Variants in RNF214 observed in about 807,000 individuals in gnomAD.
RNF214 encodes ring finger protein 214.
In RNF214, 25 loss-of-function variants were observed where a neutral mutation model predicts 75.9. The ratio of observed to expected loss-of-function variants is 0.33; its 90% CI spans 0.24 to 0.46. The LOEUF is 0.46. RNF214 is among the 20% of genes least tolerant of loss of function. The probability of loss-of-function intolerance (pLI) is 1.00; values close to 1 mark genes in which losing one functional copy is unlikely to be tolerated. For synonymous variants in RNF214, 314 were observed against 308.8 expected (o/e 1.02, Z -0.18); for missense variants, 725 against 857.5 (o/e 0.85, Z 1.93).
chr11:117,253,763 C>T (rs561400859), intron 6 of RNF214, among the ~76,000 whole-genome samples: 1 of 152,116 alleles, frequency 6.6e-6, no homozygotes, highest in Admixed American at 6.5e-5. Flanking sequence ...CTCGTGGTGA[C>T]CCTGTGTTTT....
At chr11:117,267,755 G>A (rs991408373) in intron 6 of RNF214, among the ~76,000 whole-genome samples, 3 of 151,494 alleles carry the variant, frequency 2.0e-5, no homozygotes. Flanking sequence ...TATTTTTTTG[G>A]TTATAAATAT....
intron 6 of RNF214, among the ~76,000 whole-genome samples, chr11:117,276,847 A>G (rs1196365188): frequency 6.6e-6 from 1 of 152,270 alleles, no homozygotes; most frequent in Non-Finnish European, 1.5e-5. Flanking sequence ...GGATAACATC[A>G]GTCACAGAAG....
chr11:117,259,710 T>A (rs1329355686), intron 6 of RNF214, among the ~76,000 whole-genome samples: 1 of 152,184 alleles, frequency 6.6e-6, no homozygotes, highest in African/African-American at 2.4e-5. Flanking sequence ...TATTGGCCGT[T>A]TGTATATTTT....
At chr11:117,248,659 G>C (rs1483116334) in intron 6 of RNF214, among the ~76,000 whole-genome samples, 2 of 152,174 alleles carry the variant, frequency 1.3e-5, no homozygotes, top group African/African-American at 2.4e-5. Context: ...TGATTAGAAG[G>C]TGGGTCAGTT....
intron 6 of RNF214, among the ~76,000 whole-genome samples, chr11:117,255,382 T>G (rs1396948603): frequency 6.6e-6 from 1 of 152,248 alleles, no homozygotes; most frequent in East Asian, 1.9e-4. Flanking sequence ...GTAAGCTGAA[T>G]ACTGGGGCCA....
intron 6 of RNF214, among the ~76,000 whole-genome samples, chr11:117,257,977 TTAACAC>T (rs1299767368): frequency 3.9e-5 from 6 of 152,226 alleles, no homozygotes; most frequent in Non-Finnish European, 8.8e-5. Context: ...GTATTGTACA[TTAACAC>T]TGACCACCTG....
intron 2 of RNF214, among the ~76,000 whole-genome samples, chr11:117,237,471 G>A (rs564228880): frequency 1.7e-4 from 26 of 152,312 alleles, no homozygotes; most frequent in African/African-American, 6.0e-4. Context: ...GTTGGGTATG[G>A]TTAAGAGTGT....
At chr11:117,249,788 C>T (rs181466271) in intron 6 of RNF214, among the ~76,000 whole-genome samples, 2 of 152,304 alleles carry the variant, frequency 1.3e-5, no homozygotes, top group Admixed American at 6.5e-5. Context: ...GTGTCTCTTC[C>T]TCTTATAAGG....
intron 6 of RNF214, among the ~76,000 whole-genome samples, chr11:117,260,202 C>T (rs904638390): frequency 6.6e-6 from 1 of 152,030 alleles, no homozygotes; most frequent in African/African-American, 2.4e-5. Context: ...AGTCATAGCT[C>T]ACTGTAGCCT....
chr11:117,254,551 C>T (rs1457882855), intron 6 of RNF214, among the ~76,000 whole-genome samples: 2 of 152,094 alleles, frequency 1.3e-5, no homozygotes, highest in African/African-American at 2.4e-5. Flanking sequence ...TCTCTTGGTG[C>T]CTTGTTCTTT....
At chr11:117,283,287 A>T in intron 14 of RNF214, 77 bp downstream of exon 14, 14 of 972,204 alleles carry the variant, frequency 1.4e-5, no homozygotes, top group East Asian at 5.1e-5. Context: ...CTCATTTTCT[A>T]CTCTTTTTTT....
chr11:117,274,675 CT>C (rs397937528), intron 6 of RNF214, among the ~76,000 whole-genome samples: 77 of 128,762 alleles, frequency 6.0e-4, no homozygotes, highest in Non-Finnish European at 6.1e-4. Context: ...AGCCATGGCT[CT>C]TTTTTTTTTT....
Position 117,280,259 on chromosome 11 carries a change from A to G in RNF214, c.1145A>G (p.Lys382Arg). The part of the protein sequence containing the change: ...KEAELHLTYL[K>R]STPPTLETVR... ...GCAGAATTGCACCTTACTTACCTCA[A>G]GTAAGTACCTTTCCGTTCTAGAGCT... Residue 382 changes from lysine (K) to arginine (R), a missense_variant and splice_region_variant, in exon 8 of 15, where the codon AAG becomes AGG. By Grantham distance (26) the Lys-to-Arg change is conservative (BLOSUM62 2). Around this residue, in one of 2 missense-constraint regions of RNF214, gnomAD observed 363 missense variants for 513.0 expected, o/e 0.71. Transcript: ENST00000300650. 1.9e-6 allele frequency: 3 copies of G among 1,568,570 alleles called. No individual in the cohort carries two copies. Among genetic ancestry groups the G allele is most frequent in the South Asian group, 1.1e-5 (1 of 89,856 alleles).
intron 8 of RNF214, among the ~76,000 whole-genome samples, chr11:117,281,048 C>T (rs964305811): frequency 2.2e-5 from 3 of 139,330 alleles, no homozygotes; most frequent in African/African-American, 8.1e-5. Context: ...CATCTTGGCT[C>T]ACTGCAACCT....
At chr11:117,250,125 G>A (rs1305042473) in intron 6 of RNF214, among the ~76,000 whole-genome samples, 85 of 152,128 alleles carry the variant, frequency 5.6e-4, no homozygotes, top group Non-Finnish European at 1.0e-4. Context: ...TGACAGTGGT[G>A]GTATGAAAGC....
At chr11:117,242,593 C>T (rs1365238454) in intron 4 of RNF214, among the ~76,000 whole-genome samples, 1 of 152,188 alleles carries the variant, frequency 6.6e-6, no homozygotes. Flanking sequence ...TGGCTCACAC[C>T]TGTAATCTCA....
intron 6 of RNF214, among the ~76,000 whole-genome samples, chr11:117,276,221 A>C (rs1402124375): frequency 6.6e-6 from 1 of 152,230 alleles, no homozygotes; most frequent in East Asian, 1.9e-4. Flanking sequence ...AATTAGGCAC[A>C]GAAGGAACAT....
rs1355961365 is a variant in RNF214 at position 117,282,138 on chromosome 11, C to G, written c.1580C>G (p.Pro527Arg). The change falls in exon 11 of 15, where the codon CCT becomes CGT. Residue 527 changes from proline to arginine, a missense_variant. By Grantham distance (103) the Pro-to-Arg change is moderately radical (BLOSUM62 -2). Transcript: ENST00000300650. Reference sequence around the variant, plus strand: ...AGCCCCCACGGTCCACACATGCCCCCTGCCGCCTCCATCCCACCTCCCCCA... The same window carrying G: ...AGCCCCCACGGTCCACACATGCCCCGTGCCGCCTCCATCCCACCTCCCCCA... ...LVSPHGPHMP[P>R]AASIPPPPGL... The G allele has an allele frequency of 6.2e-7, 1 of 1,613,986 alleles. No individual in the cohort carries two copies. The highest frequency in any genetic ancestry group is 1.3e-5 in the African/African-American group (1 of 74,916).
In RNF214 at chr11:117,242,349, A is replaced by G. The variant is rs535187108; in HGVS notation, c.679-2096A>G. ...GTGCAAGTTGAAGAAATTGAAGGGC[A>G]TACGGAAAAAAGTTACTGGTGTACA... On this transcript the variant is annotated intron_variant, in intron 4 of 14. Coordinates refer to ENST00000300650, the MANE Select transcript of RNF214 (RefSeq NM_207343.4). 4.6e-5 allele frequency among the ~76,000 whole-genome samples: 7 copies of G among 152,346 alleles called. No homozygotes were observed. The East Asian group carries it at 9.6e-4, about 21-fold the overall frequency.
Sources: allele counts gnomAD v4.1 joint callset (sites outside exome capture counted in the v4.1 genomes callset), GRCh38; gene constraint gnomAD v4.1.1; regional missense constraint gnomAD v4.1.1; transcripts MANE v1.5; gene names NCBI Gene and HGNC (gene_info 2026-07-23, HGNC 2026-07-21).